Variants in ANXA11 observed in about 807,000 individuals in gnomAD.
The protein encoded by ANXA11 is annexin A11, also known as 56 kDa autoantigen.
In ANXA11, 57 loss-of-function variants were observed where a neutral mutation model predicts 64.7. The observed-to-expected ratio is 0.88, with a 90% confidence interval of 0.71 to 1.10. ANXA11 has a LOEUF of 1.10. ANXA11 is among the 50% of genes least tolerant of loss of function. The probability of loss-of-function intolerance (pLI) is 0.00; values close to 1 mark genes in which losing one functional copy is unlikely to be tolerated. For missense variants in ANXA11, 675 were observed against 670.7 expected (o/e 1.01, Z -0.07); for synonymous variants, 260 against 265.2 (o/e 0.98, Z 0.19).
chr10:80,178,500 C>T lies in ANXA11; in HGVS notation c.-57-2345G>A, dbSNP rs1259500270. On this transcript the variant is annotated intron_variant, in intron 1 of 15. Transcript: ENST00000422982. ...GGGGACCTTCTGGCCTCTGGTCCTG[C>T]CTCTCAGGGCAGGCTGCAGCACAAA... 2.6e-5 allele frequency among the ~76,000 whole-genome samples: 4 copies of T among 152,228 alleles called. No individual in the cohort carries two copies. The East Asian group carries it at 7.7e-4, about 29-fold the overall frequency.
chr10:80,178,319 T>G (rs1313537514), intron 1 of ANXA11, among the ~76,000 whole-genome samples: 2 of 152,172 alleles, frequency 1.3e-5, no homozygotes, highest in African/African-American at 4.8e-5. Flanking sequence ...TGCTTCACAC[T>G]GCTGGTGCAA....
intron 3 of ANXA11, 91 bp downstream of exon 3, chr10:80,172,716 G>C: frequency 7.8e-7 from 1 of 1,281,918 alleles, no homozygotes; most frequent in Non-Finnish European, 1.1e-6. Flanking sequence ...AGGGGAGGAG[G>C]GGAGTGAGGA....
At chr10:80,172,613 T>A (rs986450241) in intron 3 of ANXA11, among the ~76,000 whole-genome samples, 194 bp downstream of exon 3, 1 of 152,264 alleles carries the variant, frequency 6.6e-6, no homozygotes, top group South Asian at 2.1e-4. Flanking sequence ...AGGCCTCCGA[T>A]GGCCTTAGTG....
chr10:80,168,259 G>T (rs1039361849), intron 5 of ANXA11, among the ~76,000 whole-genome samples: 2 of 146,352 alleles, frequency 1.4e-5, no homozygotes, highest in African/African-American at 5.0e-5. Context: ...TGCCGGGGGG[G>T]GCGGGGGTGG....
rs759444739 is a variant in ANXA11, at chr10:80,170,822, T to C, written c.149A>G (p.Asn50Ser). ...CACCATTCCCGAGAGATAGTCCTGG[T>C]TGAACTGCCCCGCATAGGTGGCCAC... is the stretch of plus-strand genomic sequence containing the variant. ...DNVATYAGQFNQDYLSGMAAN... is the reference protein window; with the variant it reads ...DNVATYAGQFSQDYLSGMAAN... The change falls in exon 4 of 16, where the codon AAC (asparagine) becomes AGC (serine). Residue 50 changes from asparagine (N) to serine (S), a missense_variant. Physicochemically the swap from Asn to Ser is conservative, Grantham distance 46. Coordinates refer to ENST00000422982, the MANE Select transcript of ANXA11 (RefSeq NM_145868.2). The C allele has an allele frequency of 2.7e-6, 4 of 1,487,910 alleles. No homozygotes were observed. The highest frequency in any genetic ancestry group is 3.6e-6 in the Non-Finnish European group (4 of 1,119,092). 92.2% of individuals were successfully genotyped at this position (1,487,910 alleles called of 1,614,324 possible). A position where few individuals can be genotyped will look rare whatever the true frequency, so the allele number is the denominator to read the frequency against.
At chr10:80,188,888 G>C (rs1846654987) in intron 1 of ANXA11, among the ~76,000 whole-genome samples, 1 of 152,048 alleles carries the variant, frequency 6.6e-6, no homozygotes, top group Non-Finnish European at 1.5e-5. Context: ...CAGGGGACCA[G>C]CCCAGCCCAC....
At chr10:80,184,621 T>C (rs1846474415) in intron 1 of ANXA11, among the ~76,000 whole-genome samples, 1 of 152,134 alleles carries the variant, frequency 6.6e-6, no homozygotes, top group African/African-American at 2.4e-5. Flanking sequence ...ATAACTATAA[T>C]ACAGCTGGGA....
At chr10:80,177,898 G>A (rs1846226579) in intron 1 of ANXA11, among the ~76,000 whole-genome samples, 1 of 152,194 alleles carries the variant, frequency 6.6e-6, no homozygotes, top group Admixed American at 6.5e-5. Flanking sequence ...AGCTATCCAT[G>A]TTCTAGGAGG....
Position 80,161,947 on chromosome 10 carries a change from G to A in ANXA11, c.1168C>T (p.His390Tyr), listed in dbSNP as rs894185702. The A allele has an allele frequency of 8.7e-6, 14 of 1,611,862 alleles. No individual in the cohort carries two copies. The highest frequency in any genetic ancestry group is 1.1e-5 in the South Asian group (1 of 91,058). ...CAGCCTGCCTTACCTGCTACCAGGTGGGCCCGGCTCCGGGAGCACAGAACC... is the reference window on the plus strand; with the variant it reads ...CAGCCTGCCTTACCTGCTACCAGGTAGGCCCGGCTCCGGGAGCACAGAACC... The part of the protein sequence containing the change: ...NAVLCSRSRA[H>Y]LVAVFNEYQR... The change falls in exon 12 of 16, where the codon CAC becomes TAC. Residue 390 changes from histidine to tyrosine, a missense_variant. Physicochemically the swap from His to Tyr is moderately conservative, Grantham distance 83 (BLOSUM62 2). Coordinates refer to ENST00000422982, the MANE Select transcript of ANXA11 (RefSeq NM_145868.2).
Position 80,157,402 on chromosome 10 carries a change from C to T in ANXA11, c.1458+239G>A, listed in dbSNP as rs573792518. On this transcript the variant is annotated intron_variant, in intron 15 of 15. Transcript: ENST00000422982. Reference sequence around the variant, plus strand: ...GTCACGGTCAAGGTTGGGGAGGTCCCGAGTGTTCTCTGATGCTGCTGGGGG... The same window carrying T: ...GTCACGGTCAAGGTTGGGGAGGTCCTGAGTGTTCTCTGATGCTGCTGGGGG... 1.6e-5 allele frequency: 16 copies of T among 985,308 alleles called. No homozygotes were observed. In the East Asian group the frequency reaches 1.1e-3, roughly 70 times the overall value. 61.0% of individuals were successfully genotyped at this position (985,308 alleles called of 1,614,324 possible). A position where few individuals can be genotyped will look rare whatever the true frequency, so the allele number is the denominator to read the frequency against.
At chr10:80,186,539 G>A (rs1263901178) in intron 1 of ANXA11, among the ~76,000 whole-genome samples, 1 of 152,242 alleles carries the variant, frequency 6.6e-6, no homozygotes, top group African/African-American at 2.4e-5. Context: ...GGTGGAGGGA[G>A]GCCACCGGGC....
intron 1 of ANXA11, among the ~76,000 whole-genome samples, chr10:80,177,429 G>T (rs570434265): frequency 6.6e-6 from 1 of 152,212 alleles, no homozygotes; most frequent in Non-Finnish European, 1.5e-5. Context: ...GAGACCTTAT[G>T]TGGGCTCCTG....
chr10:80,179,716 T>C (rs1193590380), intron 1 of ANXA11, among the ~76,000 whole-genome samples: 2 of 152,184 alleles, frequency 1.3e-5, no homozygotes, highest in African/African-American at 4.8e-5. Flanking sequence ...ATCAAGGCCC[T>C]TTGTTCTGCG....
chr10:80,155,665 G>C lies in ANXA11; in HGVS notation c.*188C>G, dbSNP rs937064546. 12 of 592,986 alleles carry C rather than the reference G, an allele frequency of 2.0e-5. No individual in the cohort carries two copies. The highest frequency in any genetic ancestry group is 3.3e-5 in the Non-Finnish European group (11 of 335,368). The allele number at this position is 592,986 out of a possible 1,614,324, so 36.7% of individuals were successfully genotyped here. A position where few individuals can be genotyped will look rare whatever the true frequency, so the allele number is the denominator to read the frequency against. On this transcript the variant is annotated 3_prime_UTR_variant, in exon 16 of 16. Coordinates refer to ENST00000422982, the MANE Select transcript of ANXA11 (RefSeq NM_145868.2). Reference sequence around the variant, plus strand: ...GGATGGGGTAGAAAAGGCATCCTGAGAGAGTTCTAGACCGACCCAGGTCCT... The same window carrying C: ...GGATGGGGTAGAAAAGGCATCCTGACAGAGTTCTAGACCGACCCAGGTCCT...
chr10:80,162,427 G>C (rs1466436175), intron 11 of ANXA11, among the ~76,000 whole-genome samples: 2 of 152,264 alleles, frequency 1.3e-5, no homozygotes, highest in Non-Finnish European at 2.9e-5. Flanking sequence ...CACTGAATAA[G>C]GCAGACCCTG....
chr10:80,184,248 G>T lies in ANXA11; in HGVS notation c.-57-8093C>A, dbSNP rs1419902109. ...GGAACTTTAAATATAAATACATACAGATGCTCCTTGACTTATGATAGGGTT... is the reference window on the plus strand; with the variant it reads ...GGAACTTTAAATATAAATACATACATATGCTCCTTGACTTATGATAGGGTT... On this transcript the variant is annotated intron_variant, in intron 1 of 15. Coordinates refer to ENST00000422982, the MANE Select transcript of ANXA11 (RefSeq NM_145868.2). Among the ~76,000 whole-genome samples the T allele has an allele frequency of 3.3e-5, 5 of 152,082 alleles. No individual in the cohort carries two copies. In the East Asian group the frequency reaches 9.6e-4, roughly 29 times the overall value.
At position 80,155,737 on chromosome 10, in the gene ANXA11, C is replaced by G. The variant is rs1845247986; in HGVS notation, c.*116G>C. On this transcript the variant is annotated 3_prime_UTR_variant, in exon 16 of 16. Transcript: ENST00000422982. ...GAGGGGTGGAAGACAGGCCTAAGCT[C>G]TAGGACGGTGAATCTCGGGGCTATT... is the stretch of plus-strand genomic sequence containing the variant. 3.8e-6 allele frequency: 4 copies of G among 1,055,780 alleles called. No individual in the cohort carries two copies. In the East Asian group the frequency reaches 9.4e-5, roughly 25 times the overall value. 65.4% of individuals were successfully genotyped at this position (1,055,780 alleles called of 1,614,324 possible).
chr10:80,167,960 G>A (rs1160193711), intron 5 of ANXA11, among the ~76,000 whole-genome samples: 5 of 152,186 alleles, frequency 3.3e-5, no homozygotes, highest in Non-Finnish European at 7.3e-5. Flanking sequence ...ACACAATTAA[G>A]AGGGCAGCTC....
In ANXA11 at chr10:80,157,852, C is replaced by A. The variant is rs1365382442; in HGVS notation, c.1336-89G>T. ...CCTCCAGTCCCCTCCCTACCCAGGT[C>A]CTCGGAACTCTCAGCTGAGATTTAG... On this transcript the variant is annotated intron_variant, in intron 14 of 15. Coordinates refer to ENST00000422982, the MANE Select transcript of ANXA11 (RefSeq NM_145868.2). The A allele has an allele frequency of 2.5e-6, 4 of 1,586,940 alleles. No individual in the cohort carries two copies. In the African/African-American group the frequency reaches 4.0e-5, roughly 16 times the overall value.
Sources: allele counts gnomAD v4.1 joint callset (sites outside exome capture counted in the v4.1 genomes callset), GRCh38; gene constraint gnomAD v4.1.1; transcripts MANE v1.5; gene names NCBI Gene and HGNC (gene_info 2026-07-23, HGNC 2026-07-21).